IGSF21: variants seen among roughly 807,000 people sequenced by gnomAD.
IGSF21 encodes immunoglobin superfamily member 21.
Under a neutral mutation model 46.8 loss-of-function variants are expected in IGSF21, and 28 were observed. The observed-to-expected ratio is 0.60, with a 90% CI of 0.44 to 0.82. The LOEUF (loss-of-function observed/expected upper bound fraction) is 0.82. Ranked by LOEUF, IGSF21 falls within the 40% of genes least tolerant of loss-of-function variation. The pLI is 0.00. For synonymous variants in IGSF21, 284 were observed against 273.6 expected (o/e 1.04, Z -0.38); for missense variants, 624 against 665.5 (o/e 0.94, Z 0.69).
At chr1:18,152,570 A>G (rs1418257583) in intron 1 of IGSF21, among the ~76,000 whole-genome samples, 1 of 152,144 alleles carries the variant, frequency 6.6e-6, no homozygotes, top group East Asian at 1.9e-4. Flanking sequence ...CTGCAAAGTG[A>G]GACCAGGCAT....
chr1:18,302,296 C>A (rs2085370258), intron 3 of IGSF21, among the ~76,000 whole-genome samples: 1 of 152,092 alleles, frequency 6.6e-6, no homozygotes, highest in Non-Finnish European at 1.5e-5. Flanking sequence ...TAGCCTTCTC[C>A]TGCTGGCTCC....
chr1:18,134,653 C>G (rs1450837516), intron 1 of IGSF21, among the ~76,000 whole-genome samples: 1 of 152,174 alleles, frequency 6.6e-6, no homozygotes, highest in Non-Finnish European at 1.5e-5. Context: ...TGCCCACCCC[C>G]CTCTTCCCCA....
At chr1:18,229,231 G>A (rs1258917235) in intron 2 of IGSF21, among the ~76,000 whole-genome samples, 2 of 152,148 alleles carry the variant, frequency 1.3e-5, no homozygotes, top group Non-Finnish European at 2.9e-5. Context: ...GAGAGGGCAA[G>A]GAAGGTGGGG....
intron 3 of IGSF21, among the ~76,000 whole-genome samples, chr1:18,308,976 G>A (rs1232062095): frequency 1.3e-5 from 2 of 152,072 alleles, no homozygotes; most frequent in East Asian, 1.9e-4. Context: ...GGCACCTGGT[G>A]GCACCAGGTC....
intron 1 of IGSF21, among the ~76,000 whole-genome samples, chr1:18,180,920 T>C (rs1021531503): frequency 6.6e-6 from 1 of 152,082 alleles, no homozygotes; most frequent in Non-Finnish European, 1.5e-5. Flanking sequence ...AAGAAAGACA[T>C]TGGAGTTGGG....
Position 18,222,731 on chromosome 1 carries a change from A to AT in IGSF21, c.71-5163dup, listed in dbSNP as rs138301785. 9.7e-3 allele frequency among the ~76,000 whole-genome samples: 1,476 copies of AT among 152,130 alleles called. 24 individuals carry two copies. Among genetic ancestry groups the AT allele is most frequent in the African/African-American group, 0.033 (1,359 of 41,456 alleles). On this transcript the variant is annotated intron_variant, in intron 1 of 9. Coordinates refer to ENST00000251296, the MANE Select transcript of IGSF21 (RefSeq NM_032880.5). ...AAGAGCCAGGAAGGATGGGGAGGAG[A>AT]TTTTCAGGAAAAGAATCCGTGCAGG...
chr1:18,210,691 C>T (rs527520989), intron 1 of IGSF21, among the ~76,000 whole-genome samples: 3 of 152,152 alleles, frequency 2.0e-5, no homozygotes, highest in East Asian at 3.9e-4. Context: ...GGGCTGTCCC[C>T]GCACTGCAGG....
chr1:18,158,258 G>A (rs1469473892), intron 1 of IGSF21, among the ~76,000 whole-genome samples: 1 of 152,156 alleles, frequency 6.6e-6, no homozygotes, highest in Admixed American at 6.5e-5. Context: ...ACCCTCAGCC[G>A]GAGCAGAAGC....
intron 2 of IGSF21, among the ~76,000 whole-genome samples, chr1:18,277,366 A>T (rs970483977): frequency 6.6e-6 from 1 of 151,944 alleles, no homozygotes; most frequent in Admixed American, 6.6e-5. Context: ...CCTCCTGTAC[A>T]CTCTGATGCT....
chr1:18,123,828 A>G (rs1011679934), intron 1 of IGSF21, among the ~76,000 whole-genome samples: 10 of 152,194 alleles, frequency 6.6e-5, no homozygotes, highest in Admixed American at 2.0e-4. Context: ...TGGAGGGGAC[A>G]CAGGGGACAG....
chr1:18,256,326 A>G, intron 2 of IGSF21, among the ~76,000 whole-genome samples: 1 of 152,194 alleles, frequency 6.6e-6, no homozygotes, highest in South Asian at 2.1e-4. Context: ...AAATTACAGC[A>G]TTTATTAAAG....
In IGSF21 at chr1:18,290,645, T is replaced by C. The variant is rs2085256297; in HGVS notation, c.184-1221T>C. ...AGCAACACCACCTAGGTCAGAGAGA[T>C]GTGGTCCAAGTCAGCTTGGGTACAT... On this transcript the variant is annotated intron_variant, in intron 2 of 9. Coordinates refer to ENST00000251296, the MANE Select transcript of IGSF21 (RefSeq NM_032880.5). This position sits in a 1 kb window ranked among gnomAD's most constrained non-coding sequence, Gnocchi z 4.2. Among the ~76,000 whole-genome samples, 1 of 152,146 alleles carries C rather than the reference T, an allele frequency of 6.6e-6. No homozygotes were observed. Among genetic ancestry groups the C allele is most frequent in the South Asian group, 2.1e-4 (1 of 4,832 alleles).
chr1:18,378,334 C>T lies in IGSF21; in HGVS notation c.*8C>T, dbSNP rs778154343. 8.1e-6 allele frequency: 13 copies of T among 1,612,408 alleles called. No homozygotes were observed. The highest frequency in any genetic ancestry group is 4.0e-5 in the African/African-American group (3 of 74,892). The stretch of plus-strand genomic sequence containing the variant: ...ATTCTGGAGCTGACGTGAAGGCACC[C>T]GCCCCGGCCACTCCATCAGGCACTG... On this transcript the variant is annotated 3_prime_UTR_variant, in exon 10 of 10. Transcript: ENST00000251296.
intron 2 of IGSF21, among the ~76,000 whole-genome samples, chr1:18,244,910 C>T (rs1254079667): frequency 6.6e-6 from 1 of 152,102 alleles, no homozygotes; most frequent in Non-Finnish European, 1.5e-5. Flanking sequence ...ATTCAAATTC[C>T]AGCATTGCCA....
At chr1:18,110,893 C>G (rs907611294) in intron 1 of IGSF21, 4 of 152,386 alleles carry the variant, frequency 2.6e-5, no homozygotes, top group African/African-American at 9.6e-5. Context: ...CCGCTGAGAG[C>G]AGGGTGGGGG....
chr1:18,306,555 C>T (rs2085427777), intron 3 of IGSF21, among the ~76,000 whole-genome samples: 1 of 152,190 alleles, frequency 6.6e-6, no homozygotes, highest in South Asian at 2.1e-4. Context: ...ACTTGGTCCC[C>T]CTGCCCCTCC....
intron 1 of IGSF21, among the ~76,000 whole-genome samples, chr1:18,173,281 C>T (rs114408709): frequency 2.0e-4 from 31 of 152,270 alleles, no homozygotes; most frequent in African/African-American, 4.1e-4. Flanking sequence ...GGCAAGACTC[C>T]GTCTCAAAAA....
At position 18,322,459 on chromosome 1, in the gene IGSF21, A is replaced by G. The variant is rs1188724458; in HGVS notation, c.306-12433A>G. The stretch of plus-strand genomic sequence containing the variant: ...ACCAAGTAGAGAGGCAGAGGCAGAG[A>G]TTCCTGTTAAATAAAGCAATCACGA... On this transcript the variant is annotated intron_variant, in intron 3 of 9. Transcript: ENST00000251296. The surrounding 1 kb of genome is among the most constrained non-coding windows in gnomAD (Gnocchi z 4.3). Among the ~76,000 whole-genome samples, 1 of 148,296 alleles carries G rather than the reference A, an allele frequency of 6.7e-6. No homozygotes were observed. The highest frequency in any genetic ancestry group is 2.0e-4 in the East Asian group (1 of 5,112).
chr1:18,339,785 T>A (rs1390028515), intron 4 of IGSF21, among the ~76,000 whole-genome samples: 1 of 152,090 alleles, frequency 6.6e-6, no homozygotes, highest in African/African-American at 2.4e-5. Flanking sequence ...GATGGATGGG[T>A]GGGGCTGTTT....
Sources: allele counts gnomAD v4.1 joint callset (sites outside exome capture counted in the v4.1 genomes callset), GRCh38; gene constraint gnomAD v4.1.1; non-coding constraint Gnocchi (gnomAD v3.1); transcripts MANE v1.5; gene names NCBI Gene and HGNC (gene_info 2026-07-23, HGNC 2026-07-21).